RIT2: variants seen among roughly 807,000 people sequenced by gnomAD.
The protein encoded by RIT2 is Ras like without CAAX 2.
Under a neutral mutation model 23.7 loss-of-function variants are expected in RIT2, and 24 were observed. The ratio of observed to expected loss-of-function variants is 1.01; its 90% confidence interval spans 0.73 to 1.43. The LOEUF is 1.43. RIT2 is among the 40% of genes most tolerant of loss of function. RIT2 has a pLI of 0.00. For synonymous variants in RIT2, 107 were observed against 91.1 expected (o/e 1.17, Z -0.99); for missense variants, 236 against 266.9 (o/e 0.88, Z 0.81).
chr18:43,084,377 A>G (rs1430406125), intron 1 of RIT2, among the ~76,000 whole-genome samples: 2 of 152,206 alleles, frequency 1.3e-5, no homozygotes, highest in Non-Finnish European at 2.9e-5. Context: ...CAGCAATCCC[A>G]TTACTGAGTA....
intron 4 of RIT2, among the ~76,000 whole-genome samples, chr18:42,894,683 CA>C (rs1908275428): frequency 1.3e-5 from 2 of 152,156 alleles, no homozygotes; most frequent in Admixed American, 1.3e-4. Flanking sequence ...TTATTAGAGT[CA>C]AAATTGAGAC....
intron 4 of RIT2, among the ~76,000 whole-genome samples, chr18:42,834,405 G>T (rs749482684): frequency 2.0e-5 from 3 of 152,018 alleles, no homozygotes; most frequent in African/African-American, 4.8e-5. Context: ...AAGCCCAAAG[G>T]TTTGTCTTAT....
At chr18:42,872,747 T>G (rs1907651118) in intron 4 of RIT2, among the ~76,000 whole-genome samples, 1 of 152,200 alleles carries the variant, frequency 6.6e-6, no homozygotes, top group South Asian at 2.1e-4. Context: ...TAATGGGATG[T>G]GTGGGCTACG....
At position 42,750,719 on chromosome 18, in the gene RIT2, A is replaced by G. The variant is rs547441692; in HGVS notation, c.427-6999T>C. 9.2e-5 allele frequency among the ~76,000 whole-genome samples: 14 copies of G among 151,978 alleles called. No homozygotes were observed. The South Asian group carries it at 2.9e-3, about 32-fold the overall frequency. On this transcript the variant is annotated intron_variant, in intron 4 of 4. Coordinates refer to ENST00000326695, the MANE Select transcript of RIT2 (RefSeq NM_002930.4). ...TTTGGATATTTATCTAAATCTAACC[A>G]ATCAGATGACAAATTGTAGACTTGT... is the stretch of plus-strand genomic sequence containing the variant.
At chr18:42,759,125 G>A (rs1400817201) in intron 4 of RIT2, among the ~76,000 whole-genome samples, 1 of 152,130 alleles carries the variant, frequency 6.6e-6, no homozygotes, top group Non-Finnish European at 1.5e-5. Flanking sequence ...GGAACCCTGA[G>A]TGATACAATC....
chr18:42,916,744 A>T (rs1391000294), intron 4 of RIT2, among the ~76,000 whole-genome samples: 3 of 152,086 alleles, frequency 2.0e-5, no homozygotes, highest in Non-Finnish European at 4.4e-5. Flanking sequence ...ACCTACTGAC[A>T]TTATCTCATC....
chr18:42,989,472 T>A (rs1407545371), intron 2 of RIT2, among the ~76,000 whole-genome samples: 2 of 152,206 alleles, frequency 1.3e-5, no homozygotes, highest in African/African-American at 4.8e-5. Flanking sequence ...TTAAATTTAA[T>A]ATATGTTATT....
intron 4 of RIT2, among the ~76,000 whole-genome samples, chr18:42,833,264 T>C (rs75350736): frequency 0.016 from 2,461 of 152,264 alleles, 75 homozygotes; most frequent in African/African-American, 0.056. Flanking sequence ...TTCTGACTTA[T>C]TTCACTTAGC....
intron 1 of RIT2, 32 bp downstream of exon 1, chr18:43,115,385 C>T: frequency 6.2e-7 from 1 of 1,612,012 alleles, no homozygotes. Context: ...ATAGAGGTCC[C>T]TCCTTCCCCA....
intron 3 of RIT2, among the ~76,000 whole-genome samples, chr18:42,968,215 A>C (rs1392914210): frequency 6.6e-6 from 1 of 152,194 alleles, no homozygotes. Context: ...AGCCATGTAC[A>C]GTACAGAGCC....
At position 42,806,100 on chromosome 18, in the gene RIT2, A is replaced by AATATAT. The variant is rs58214096; in HGVS notation, c.427-62386_427-62381dup. The stretch of plus-strand genomic sequence containing the variant: ...TCAAAAGTGGAGATTTAATAAAATT[A>AATATAT]ATATATATATATATATATATATATA... On this transcript the variant is annotated intron_variant, in intron 4 of 4. Coordinates refer to ENST00000326695, the MANE Select transcript of RIT2 (RefSeq NM_002930.4). Among the ~76,000 whole-genome samples the AATATAT allele has an allele frequency of 1.3e-3, 182 of 140,020 alleles. 1 individual carries two copies. Among genetic ancestry groups the AATATAT allele is most frequent in the East Asian group, 4.1e-3 (20 of 4,856 alleles). 91.9% of individuals were successfully genotyped at this position (140,020 alleles called of 152,430 possible).
intron 4 of RIT2, among the ~76,000 whole-genome samples, chr18:42,823,781 A>G (rs1255289986): frequency 6.6e-6 from 1 of 152,166 alleles, no homozygotes; most frequent in Non-Finnish European, 1.5e-5. Context: ...ATAGATATAC[A>G]TATTTAATGC....
chr18:42,964,170 G>A (rs376147406), intron 3 of RIT2, among the ~76,000 whole-genome samples: 4 of 152,022 alleles, frequency 2.6e-5, no homozygotes, highest in African/African-American at 4.8e-5. Context: ...CAGCCTGGGC[G>A]AAAGGCCGAG....
chr18:42,965,375 A>G (rs1910191554), intron 3 of RIT2, among the ~76,000 whole-genome samples: 1 of 152,168 alleles, frequency 6.6e-6, no homozygotes, highest in Admixed American at 6.5e-5. Flanking sequence ...TGCTTCATTC[A>G]TTTTTATTAA....
intron 1 of RIT2, among the ~76,000 whole-genome samples, chr18:43,114,277 G>C (rs1037217896): frequency 7.9e-5 from 12 of 152,044 alleles, no homozygotes; most frequent in African/African-American, 2.9e-4. Flanking sequence ...GAGGAGAAGA[G>C]GTAGGGGTGC....
chr18:43,103,914 G>T (rs118068806), intron 1 of RIT2, among the ~76,000 whole-genome samples: 1 of 152,060 alleles, frequency 6.6e-6, no homozygotes, highest in Non-Finnish European at 1.5e-5. Context: ...AAAGATGATA[G>T]AAGAAATCCC....
At chr18:42,762,378 C>A (rs1913322765) in intron 4 of RIT2, among the ~76,000 whole-genome samples, 1 of 152,144 alleles carries the variant, frequency 6.6e-6, no homozygotes, top group Non-Finnish European at 1.5e-5. Context: ...GTATATGGTT[C>A]TATCTTTCTT....
chr18:42,879,547 G>A (rs1228813396), intron 4 of RIT2, among the ~76,000 whole-genome samples: 1 of 151,618 alleles, frequency 6.6e-6, no homozygotes, highest in Non-Finnish European at 1.5e-5. Flanking sequence ...ATTTGTTTTT[G>A]TTTTCTCTTT....
intron 4 of RIT2, among the ~76,000 whole-genome samples, chr18:42,756,580 A>C (rs1193875612): frequency 6.6e-6 from 1 of 152,194 alleles, no homozygotes; most frequent in Non-Finnish European, 1.5e-5. Context: ...TTTGCTTTTT[A>C]AAATACTTTG....
Sources: gnomAD v4.1 joint callset for allele counts (sites outside exome capture counted in the v4.1 genomes callset) on GRCh38, gnomAD v4.1.1 for gene constraint, MANE v1.5 for transcripts, NCBI Gene and HGNC (gene_info 2026-07-23, HGNC 2026-07-21) for gene names.